Variants in MARS1 observed in about 807,000 individuals in gnomAD.
MARS1 encodes the protein methionine--tRNA ligase, cytoplasmic.
Under a neutral mutation model 119.5 loss-of-function variants are expected in MARS1, and 80 were observed. That is an observed-to-expected ratio of 0.67 (90% CI 0.56 to 0.81). The LOEUF (loss-of-function observed/expected upper bound fraction) is 0.81, where lower values mean the gene tolerates loss of function less well. MARS1 is among the 30% of genes least tolerant of loss of function. MARS1 has a pLI of 0.00. For synonymous variants in MARS1, 418 were observed against 433.4 expected (o/e 0.96, Z 0.44); for missense variants, 945 against 1,116.5 (o/e 0.85, Z 2.19).
At chr12:57,512,512 A>G in intron 14 of MARS1, 159 bp downstream of exon 14, 1 of 671,854 alleles carries the variant, frequency 1.5e-6, no homozygotes, top group Non-Finnish European at 2.6e-6. Flanking sequence ...ACGAACAAGA[A>G]CCTGAAGAAA....
At chr12:57,512,592 A>G (rs909736710) in intron 14 of MARS1, 159 bp from the exon 15 acceptor site, 1 of 665,728 alleles carries the variant, frequency 1.5e-6, no homozygotes, top group Non-Finnish European at 2.6e-6. Flanking sequence ...ATGGATAGGA[A>G]GGGACTCCCA....
intron 7 of MARS1, among the ~76,000 whole-genome samples, chr12:57,496,819 T>C (rs1025723025): frequency 1.1e-4 from 17 of 151,630 alleles, no homozygotes; most frequent in Admixed American, 3.9e-4. Flanking sequence ...CAGGCATGTA[T>C]ACAGGCAAAT....
At position 57,515,270 on chromosome 12, in the gene MARS1, T is replaced by TCC; in HGVS notation, c.2326_2327dup (p.Ala777GlnfsTer7). The stretch of plus-strand genomic sequence containing the variant: ...TCCAGGCCCAGCTGCAGCTCCCACC[T>TCC]CCAGCCTGCAGTATCCTGCTGACAA... On this transcript the variant is annotated frameshift_variant, in exon 18 of 21. Transcript: ENST00000262027. LOFTEE classifies it high-confidence loss of function. 1 of 1,613,956 alleles carries TCC rather than the reference T, an allele frequency of 6.2e-7. No individual in the cohort carries two copies. Among genetic ancestry groups the TCC allele is most frequent in the South Asian group, 1.1e-5 (1 of 91,078 alleles).
At chr12:57,499,667 G>A (rs1451822585) in intron 9 of MARS1, among the ~76,000 whole-genome samples, 4 of 151,670 alleles carry the variant, frequency 2.6e-5, no homozygotes, top group Admixed American at 2.0e-4. Context: ...TTGAGAGGCC[G>A]AGGTGGGTGG....
intron 7 of MARS1, among the ~76,000 whole-genome samples, chr12:57,494,318 TC>T (rs1015764250): frequency 2.1e-5 from 3 of 144,546 alleles, no homozygotes; most frequent in African/African-American, 7.8e-5. Context: ...ACTTACTTCT[TC>T]TTTTTTTTCT....
chr12:57,510,857 T>C (rs1877480131), intron 11 of MARS1, among the ~76,000 whole-genome samples: 1 of 152,104 alleles, frequency 6.6e-6, no homozygotes, highest in African/African-American at 2.4e-5. Context: ...GGAGAATTGC[T>C]TGACCCCAGG....
intron 10 of MARS1, 58 bp from the exon 11 acceptor site, chr12:57,504,167 C>T: frequency 8.1e-7 from 1 of 1,228,870 alleles, no homozygotes; most frequent in Non-Finnish European, 1.2e-6. Context: ...CCTCCCCTTG[C>T]CTGGACCCCT....
At chr12:57,511,196 G>C (rs1369889490) in intron 11 of MARS1, among the ~76,000 whole-genome samples, 1 of 152,012 alleles carries the variant, frequency 6.6e-6, no homozygotes, top group Non-Finnish European at 1.5e-5. Context: ...GCCCAGGATG[G>C]TCATGAACTC....
chr12:57,489,215 G>A, intron 2 of MARS1, 52 bp from the exon 3 acceptor site: 1 of 1,602,100 alleles, frequency 6.2e-7, no homozygotes, highest in South Asian at 1.1e-5. Flanking sequence ...GATGAGAAAT[G>A]GGCTAAATGG....
chr12:57,506,289 G>A (rs1356313355), intron 11 of MARS1, among the ~76,000 whole-genome samples: 7 of 152,060 alleles, frequency 4.6e-5, no homozygotes, highest in African/African-American at 1.4e-4. Context: ...TTAGCCAAAT[G>A]TGGTGGTGCA....
chr12:57,513,078 T>G (rs1405150091), intron 15 of MARS1, 114 bp downstream of exon 15: 5 of 817,332 alleles, frequency 6.1e-6, no homozygotes, highest in Admixed American at 4.2e-5. Flanking sequence ...GTGAGGACAC[T>G]GTGGAAAGTT....
At chr12:57,500,042 T>G (rs1594820995) in intron 9 of MARS1, 2 of 415,464 alleles carry the variant, frequency 4.8e-6, no homozygotes, top group South Asian at 4.4e-5. Context: ...ATTGGAGATT[T>G]TTGTTAATGA....
rs112714462 is a variant in MARS1, at chr12:57,502,779, G to A, written c.1294-1446G>A. ...ACGGTGGCTCACGCCTGTAGTCCGC[G>A]CACTTTGGGAGGCTGAGGCGGGCAG... On this transcript the variant is annotated intron_variant, in intron 10 of 20. Coordinates refer to ENST00000262027, the MANE Select transcript of MARS1 (RefSeq NM_004990.4). 6.6e-3 allele frequency among the ~76,000 whole-genome samples: 988 copies of A among 148,738 alleles called. 9 individuals carry two copies. Among genetic ancestry groups the A allele is most frequent in the African/African-American group, 0.023 (940 of 40,610 alleles).
chr12:57,498,103 C>A, intron 7 of MARS1, 54 bp from the exon 8 acceptor site: 1 of 1,149,850 alleles, frequency 8.7e-7, no homozygotes, highest in Non-Finnish European at 1.3e-6. Flanking sequence ...ACTTTTCGTC[C>A]CTGTTGACCC....
intron 7 of MARS1, among the ~76,000 whole-genome samples, chr12:57,492,627 C>T (rs1048016716): frequency 6.0e-5 from 9 of 150,144 alleles, no homozygotes; most frequent in African/African-American, 1.5e-4. Context: ...GCGGAGATTG[C>T]GCCAGTGTAC....
rs1222076455 is a variant in MARS1 at position 57,516,612 on chromosome 12, T to A, written c.*31T>A. 3 of 1,550,892 alleles carry A rather than the reference T, an allele frequency of 1.9e-6. No individual in the cohort carries two copies. Among genetic ancestry groups the A allele is most frequent in the Non-Finnish European group, 2.6e-6 (3 of 1,155,642 alleles). ...CTTGGCTCATAGAAAGTCACTTTAATAGATAGGGACAGTAATAAATAAATG... is the reference window on the plus strand; with the variant it reads ...CTTGGCTCATAGAAAGTCACTTTAAAAGATAGGGACAGTAATAAATAAATG... On this transcript the variant is annotated 3_prime_UTR_variant, in exon 21 of 21. Transcript: ENST00000262027.
intron 7 of MARS1, among the ~76,000 whole-genome samples, chr12:57,496,954 T>A (rs1248968408): frequency 6.6e-6 from 1 of 152,272 alleles, no homozygotes; most frequent in East Asian, 1.9e-4. Context: ...ACCTCTTCAT[T>A]ACACTGATCC....
At chr12:57,495,780 C>T (rs1026714552) in intron 7 of MARS1, among the ~76,000 whole-genome samples, 1 of 152,246 alleles carries the variant, frequency 6.6e-6, no homozygotes, top group Non-Finnish European at 1.5e-5. Flanking sequence ...GGGCAGATCA[C>T]TCGCGGTCAG....
chr12:57,489,642 C>A, intron 4 of MARS1, 84 bp downstream of exon 4: 1 of 1,544,952 alleles, frequency 6.5e-7, no homozygotes, highest in Non-Finnish European at 8.9e-7. Context: ...GTGTTCGAAC[C>A]CAACACTGCC....
Sources: gnomAD v4.1 joint callset for allele counts (sites outside exome capture counted in the v4.1 genomes callset) on GRCh38, gnomAD v4.1.1 for gene constraint, MANE v1.5 for transcripts, NCBI Gene and HGNC (gene_info 2026-07-23, HGNC 2026-07-21) for gene names.